CAMTA1: variants seen among roughly 807,000 people sequenced by gnomAD.
CAMTA1 encodes the protein calmodulin binding transcription activator 1.
A neutral mutation model predicts 170.9 loss-of-function variants in CAMTA1; 27 were observed. That is an observed-to-expected ratio of 0.16 (90% CI 0.12 to 0.22). The LOEUF is 0.22. Ranked by LOEUF, CAMTA1 falls within the 10% of genes least tolerant of loss-of-function variation. CAMTA1 has a pLI of 1.00. For missense variants in CAMTA1, 1,619 were observed against 2,217.2 expected (o/e 0.73, Z 5.42); for synonymous variants, 833 against 891.5 (o/e 0.93, Z 1.17).
chr1:7,423,289 A>G (rs938378141), intron 5 of CAMTA1, among the ~76,000 whole-genome samples: 2 of 152,072 alleles, frequency 1.3e-5, no homozygotes, highest in African/African-American at 4.8e-5. Flanking sequence ...TGGCCAACAT[A>G]GCGAAACCGC....
chr1:7,592,051 A>G lies in CAMTA1; in HGVS notation c.511-48349A>G, dbSNP rs2095359318. 6.6e-6 allele frequency among the ~76,000 whole-genome samples: 1 copy of G among 152,092 alleles called. No individual in the cohort carries two copies. The highest frequency in any genetic ancestry group is 1.5e-5 in the Non-Finnish European group (1 of 68,024). ...GTAGCTGGGATTACAGGTGCATGCC[A>G]CCATACCTAGCTAATTTTTATATTT... is the stretch of plus-strand genomic sequence containing the variant. On this transcript the variant is annotated intron_variant, in intron 6 of 22. Transcript: ENST00000303635. The surrounding 1 kb of genome is among the most constrained non-coding windows in gnomAD (Gnocchi z 4.6).
intron 3 of CAMTA1, among the ~76,000 whole-genome samples, chr1:6,964,227 C>T (rs566702613): frequency 1.2e-4 from 18 of 152,066 alleles, no homozygotes; most frequent in African/African-American, 3.9e-4. Context: ...GGTGCAGCGT[C>T]CTGGAGGTCT....
chr1:7,416,071 A>G (rs2091147466), intron 5 of CAMTA1, among the ~76,000 whole-genome samples: 1 of 152,128 alleles, frequency 6.6e-6, no homozygotes, highest in African/African-American at 2.4e-5. Flanking sequence ...TTTTTTTAAG[A>G]ATGTTGAATA....
At chr1:7,481,985 C>A (rs894654590) in intron 6 of CAMTA1, among the ~76,000 whole-genome samples, 4 of 152,114 alleles carry the variant, frequency 2.6e-5, no homozygotes, top group African/African-American at 4.8e-5. Flanking sequence ...GCAGTCAATA[C>A]CCACTTCACC....
At chr1:7,167,007 C>T (rs1490502034) in intron 4 of CAMTA1, among the ~76,000 whole-genome samples, 1 of 151,978 alleles carries the variant, frequency 6.6e-6, no homozygotes, top group African/African-American at 2.4e-5. Flanking sequence ...GATGGGGTTT[C>T]ACCATGTTGG....
chr1:7,755,480 C>T (rs1358056337), intron 21 of CAMTA1, among the ~76,000 whole-genome samples, 158 bp from the exon 22 acceptor site: 1 of 151,962 alleles, frequency 6.6e-6, no homozygotes, highest in Non-Finnish European at 1.5e-5. Flanking sequence ...AATTTTTTTA[C>T]CTACTCATTT....
At chr1:7,200,948 G>C (rs559368583) in intron 4 of CAMTA1, among the ~76,000 whole-genome samples, 2 of 152,254 alleles carry the variant, frequency 1.3e-5, no homozygotes, top group Admixed American at 1.3e-4. Flanking sequence ...ACAATTCAAA[G>C]GTTTTTAGTA....
At chr1:7,513,567 C>G (rs2094233530) in intron 6 of CAMTA1, among the ~76,000 whole-genome samples, 1 of 152,148 alleles carries the variant, frequency 6.6e-6, no homozygotes, top group African/African-American at 2.4e-5. Context: ...AAAGATCACT[C>G]TGACCCCTGC....
At position 7,710,237 on chromosome 1, in the gene CAMTA1, A is replaced by G. The variant is rs540987927; in HGVS notation, c.2915-22211A>G. 2.8e-4 allele frequency among the ~76,000 whole-genome samples: 43 copies of G among 152,326 alleles called. 2 individuals carry two copies. In the South Asian group the frequency reaches 8.5e-3, roughly 30 times the overall value. ...AGACAGTTTATTGCTACTGTCATTT[A>G]TCACATGTTTTGTAGATAAATTCTA... On this transcript the variant is annotated intron_variant, in intron 11 of 22. Transcript: ENST00000303635.
chr1:7,649,446 G>T (rs555317115), intron 7 of CAMTA1, among the ~76,000 whole-genome samples: 1 of 152,332 alleles, frequency 6.6e-6, no homozygotes, highest in Admixed American at 6.5e-5. Context: ...GGCAGGGCAG[G>T]TTCCTGGAAT....
At chr1:7,393,768 A>G (rs1405025490) in intron 5 of CAMTA1, among the ~76,000 whole-genome samples, 1 of 152,178 alleles carries the variant, frequency 6.6e-6, no homozygotes, top group Non-Finnish European at 1.5e-5. Context: ...TGTTAACCAT[A>G]GTCTCCCTAG....
chr1:7,243,068 A>G (rs1194595287), intron 4 of CAMTA1, among the ~76,000 whole-genome samples: 1 of 152,218 alleles, frequency 6.6e-6, no homozygotes. Context: ...AAGTGGAATT[A>G]TTTCTGAAAT....
chr1:7,604,035 T>A (rs1256044671), intron 6 of CAMTA1, among the ~76,000 whole-genome samples: 1 of 152,178 alleles, frequency 6.6e-6, no homozygotes, highest in Admixed American at 6.5e-5. Flanking sequence ...GCTTGTAGAG[T>A]TTCTGCTGAG....
At chr1:7,107,567 T>C (rs761069426) in intron 4 of CAMTA1, among the ~76,000 whole-genome samples, 1 of 152,126 alleles carries the variant, frequency 6.6e-6, no homozygotes, top group African/African-American at 2.4e-5. Flanking sequence ...GGCCATGGAA[T>C]GCAAGAAGAT....
chr1:7,157,989 C>A lies in CAMTA1; in HGVS notation c.302+66618C>A, dbSNP rs565809501. Among the ~76,000 whole-genome samples the A allele has an allele frequency of 3.3e-5, 5 of 152,286 alleles. No individual in the cohort carries two copies. In the East Asian group the frequency reaches 7.7e-4, roughly 24 times the overall value. ...CCTGACTAACACAGTGAAACCCCATCTCTACTAAAAATACAAAAGATTAGC... is the reference window on the plus strand; with the variant it reads ...CCTGACTAACACAGTGAAACCCCATATCTACTAAAAATACAAAAGATTAGC... On this transcript the variant is annotated intron_variant, in intron 4 of 22. Coordinates refer to ENST00000303635, the MANE Select transcript of CAMTA1 (RefSeq NM_015215.4).
intron 3 of CAMTA1, among the ~76,000 whole-genome samples, chr1:6,844,497 C>T (rs1657153551): frequency 8.0e-6 from 1 of 125,634 alleles, no homozygotes; most frequent in Non-Finnish European, 1.6e-5. Flanking sequence ...CATGACAAAA[C>T]CATTGCATTA....
intron 3 of CAMTA1, among the ~76,000 whole-genome samples, chr1:6,979,157 G>T (rs940137176): frequency 6.6e-6 from 1 of 152,192 alleles, no homozygotes; most frequent in African/African-American, 2.4e-5. Flanking sequence ...GTGGCTGAAA[G>T]ACATTGGGGA....
chr1:7,724,207 A>T (rs2096667822), intron 11 of CAMTA1, among the ~76,000 whole-genome samples: 1 of 149,172 alleles, frequency 6.7e-6, no homozygotes, highest in African/African-American at 2.6e-5. Context: ...ACTAAACACA[A>T]TGCGGGATCC....
intron 4 of CAMTA1, among the ~76,000 whole-genome samples, chr1:7,177,715 C>T (rs569595211): frequency 1.3e-5 from 2 of 151,062 alleles, no homozygotes; most frequent in Non-Finnish European, 3.0e-5. Context: ...CACAGTCCCA[C>T]ACATTGATTA....
Sources: allele counts gnomAD v4.1 joint callset (sites outside exome capture counted in the v4.1 genomes callset), GRCh38; gene constraint gnomAD v4.1.1; non-coding constraint Gnocchi (gnomAD v3.1); transcripts MANE v1.5; gene names NCBI Gene and HGNC (gene_info 2026-07-23, HGNC 2026-07-21).